Variants in AGBL4 observed in about 807,000 individuals in gnomAD.
AGBL4 encodes the protein AGBL carboxypeptidase 4, also known as cytosolic carboxypeptidase 6.
A neutral mutation model predicts 66.4 loss-of-function variants in AGBL4; 58 were observed. The observed-to-expected ratio is 0.87, with a 90% CI of 0.71 to 1.09. The LOEUF is 1.09. Ranked by LOEUF, AGBL4 falls within the 50% of genes least tolerant of loss-of-function variation. AGBL4 has a pLI of 0.00. For missense variants in AGBL4, 579 were observed against 631.0 expected, an observed-to-expected ratio of 0.92 and a Z score of 0.88; for synonymous variants, 234 against 222.9, an observed-to-expected ratio of 1.05 and a Z score of -0.44.
At chr1:48,900,021 G>A (rs1177335245) in intron 5 of AGBL4, among the ~76,000 whole-genome samples, 1 of 152,096 alleles carries the variant, frequency 6.6e-6, no homozygotes, top group Non-Finnish European at 1.5e-5. Flanking sequence ...GGAAACATTT[G>A]AGCTGAGGGG....
At chr1:49,377,691 T>A (rs936073359) in intron 3 of AGBL4, among the ~76,000 whole-genome samples, 3 of 152,090 alleles carry the variant, frequency 2.0e-5, no homozygotes, top group African/African-American at 7.2e-5. Flanking sequence ...TCAGCTTTTA[T>A]ATTCGTTTTC....
intron 11 of AGBL4, among the ~76,000 whole-genome samples, chr1:48,567,898 A>G (rs1644501413): frequency 2.0e-5 from 3 of 152,162 alleles, no homozygotes; most frequent in African/African-American, 7.2e-5. Context: ...ATTGGCCCTG[A>G]GGCTTGGGTC....
intron 1 of AGBL4, among the ~76,000 whole-genome samples, chr1:49,864,863 G>T (rs993397636): frequency 2.0e-5 from 3 of 152,204 alleles, no homozygotes; most frequent in African/African-American, 7.2e-5. Context: ...CTGAGCTGCT[G>T]GGGCGAGGGG....
At chr1:48,852,381 A>G (rs1647054519) in intron 6 of AGBL4, among the ~76,000 whole-genome samples, 2 of 152,104 alleles carry the variant, frequency 1.3e-5, no homozygotes, top group African/African-American at 4.8e-5. Flanking sequence ...ACTGTCTTTG[A>G]TGATGTTTTA....
intron 6 of AGBL4, among the ~76,000 whole-genome samples, chr1:48,687,682 A>G (rs1031266523): frequency 2.6e-5 from 4 of 152,112 alleles, no homozygotes; most frequent in Non-Finnish European, 4.4e-5. Context: ...TCTGAGCCTC[A>G]CTGTCCTCCT....
intron 11 of AGBL4, among the ~76,000 whole-genome samples, chr1:48,578,257 A>T (rs1290283847): frequency 1.3e-5 from 2 of 152,192 alleles, no homozygotes; most frequent in South Asian, 2.1e-4. Context: ...GAGCCTCTTC[A>T]TGAAGCACAT....
chr1:49,978,764 G>A (rs1658798749), intron 1 of AGBL4, among the ~76,000 whole-genome samples: 1 of 152,074 alleles, frequency 6.6e-6, no homozygotes, highest in Non-Finnish European at 1.5e-5. Context: ...AGGAATAGAA[G>A]AATATATACC....
At chr1:49,949,809 C>T (rs950295433) in intron 1 of AGBL4, among the ~76,000 whole-genome samples, 4 of 151,464 alleles carry the variant, frequency 2.6e-5, no homozygotes, top group African/African-American at 9.7e-5. Flanking sequence ...CCTTAAAGAA[C>T]TAAAAGTAAA....
intron 5 of AGBL4, among the ~76,000 whole-genome samples, chr1:48,959,545 G>A (rs1657780599): frequency 6.6e-6 from 1 of 152,154 alleles, no homozygotes; most frequent in Non-Finnish European, 1.5e-5. Flanking sequence ...CAGAGTAAGA[G>A]AGACTGGAAA....
At chr1:49,634,455 G>A (rs1417834692) in intron 3 of AGBL4, among the ~76,000 whole-genome samples, 3 of 152,120 alleles carry the variant, frequency 2.0e-5, no homozygotes, top group African/African-American at 7.2e-5. Context: ...TCTTTATCCA[G>A]TCTATCATGG....
intron 6 of AGBL4, among the ~76,000 whole-genome samples, chr1:48,805,690 C>T (rs530029215): frequency 6.6e-6 from 1 of 152,250 alleles, no homozygotes; most frequent in East Asian, 1.9e-4. Flanking sequence ...CCACAACGAA[C>T]CTCAGTTGCT....
chr1:48,828,183 C>A (rs1240661585), intron 6 of AGBL4, among the ~76,000 whole-genome samples: 2 of 133,224 alleles, frequency 1.5e-5, no homozygotes, highest in Non-Finnish European at 3.4e-5. Flanking sequence ...GCAACTCCAT[C>A]TCAAAAAAAA....
At chr1:49,646,979 A>G (rs2124430150) in intron 3 of AGBL4, among the ~76,000 whole-genome samples, 1 of 152,026 alleles carries the variant, frequency 6.6e-6, no homozygotes, top group African/African-American at 2.4e-5. Flanking sequence ...AAAAAAAAAA[A>G]TCAAAAAATA....
At chr1:48,985,956 A>T (rs1273686016) in intron 5 of AGBL4, among the ~76,000 whole-genome samples, 1 of 152,166 alleles carries the variant, frequency 6.6e-6, no homozygotes, top group Non-Finnish European at 1.5e-5. Context: ...AGTTAAGAAG[A>T]GACATGAAAG....
intron 6 of AGBL4, among the ~76,000 whole-genome samples, chr1:48,701,875 A>C (rs1157110042): frequency 1.3e-5 from 2 of 152,212 alleles, no homozygotes. Context: ...TGAATGAATG[A>C]ATGAGTTAAT....
chr1:49,756,680 C>T (rs772479308), intron 2 of AGBL4, among the ~76,000 whole-genome samples: 11 of 152,140 alleles, frequency 7.2e-5, no homozygotes, highest in African/African-American at 1.2e-4. Flanking sequence ...GCTGTTCTCA[C>T]GATAGTGAGT....
rs1645466322 is a variant in AGBL4, at chr1:49,418,039, A to C, written c.283-172175T>G. On this transcript the variant is annotated intron_variant, in intron 3 of 13. Transcript: ENST00000371839. ...ATGCACACATTGAAGGCAACACAGAAAGGCCATTCCAAGTCTTCCCTTGGA... is the reference window on the plus strand; with the variant it reads ...ATGCACACATTGAAGGCAACACAGACAGGCCATTCCAAGTCTTCCCTTGGA... Among the ~76,000 whole-genome samples the C allele has an allele frequency of 2.6e-5, 4 of 152,280 alleles. No individual in the cohort carries two copies. The South Asian group carries it at 8.3e-4, about 32-fold the overall frequency.
intron 3 of AGBL4, among the ~76,000 whole-genome samples, chr1:49,481,026 C>G (rs1646945427): frequency 6.6e-6 from 1 of 151,976 alleles, no homozygotes; most frequent in Admixed American, 6.6e-5. Context: ...ACCATGCTGT[C>G]TTGGTTACTG....
At chr1:49,198,037 G>A (rs551230476) in intron 4 of AGBL4, among the ~76,000 whole-genome samples, 10 of 152,054 alleles carry the variant, frequency 6.6e-5, no homozygotes, top group Non-Finnish European at 1.3e-4. Context: ...GCTTTCTGGC[G>A]CCATGTCTTC....
Sources: allele counts gnomAD v4.1 joint callset (sites outside exome capture counted in the v4.1 genomes callset), GRCh38; gene constraint gnomAD v4.1.1; transcripts MANE v1.5; gene names NCBI Gene and HGNC (gene_info 2026-07-23, HGNC 2026-07-21).